The following DCLK2 variants were observed in gnomAD, a reference collection of about 807,000 sequenced individuals.
DCLK2 encodes doublecortin like kinase 2.
DCLK2 carries 31 observed loss-of-function variants against 78.4 expected under a neutral mutation model. The ratio of observed to expected loss-of-function variants is 0.40; its 90% confidence interval spans 0.30 to 0.53. The LOEUF (loss-of-function observed/expected upper bound fraction) is 0.53. DCLK2 is among the 20% of genes least tolerant of loss of function. The pLI is 0.61. For missense variants in DCLK2, 872 were observed against 973.7 expected (o/e 0.90, Z 1.39); for synonymous variants, 407 against 374.9 (o/e 1.09, Z -0.99).
chr4:150,094,129 G>A (rs1730298463), intron 1 of DCLK2, among the ~76,000 whole-genome samples: 1 of 152,206 alleles, frequency 6.6e-6, no homozygotes, highest in Non-Finnish European at 1.5e-5. Context: ...AAAGTTTCAT[G>A]ACATTAGTCT....
At chr4:150,254,794 C>T (rs1026298430) in intron 15 of DCLK2, among the ~76,000 whole-genome samples, 1 of 152,150 alleles carries the variant, frequency 6.6e-6, no homozygotes, top group African/African-American at 2.4e-5. Context: ...CATCCTCCTG[C>T]CTCAGCCTCC....
At chr4:150,098,647 C>T (rs1309795063) in intron 1 of DCLK2, among the ~76,000 whole-genome samples, 6 of 144,482 alleles carry the variant, frequency 4.2e-5, no homozygotes, top group African/African-American at 1.0e-4. Context: ...TTTTAACATA[C>T]GTTGGCAAGA....
chr4:150,149,586 G>A (rs889388197), intron 2 of DCLK2, among the ~76,000 whole-genome samples: 8 of 152,196 alleles, frequency 5.3e-5, no homozygotes, highest in African/African-American at 1.9e-4. Context: ...ATGAAGGGAG[G>A]TATTTTGGTT....
chr4:150,207,714 C>T (rs1739944272), intron 5 of DCLK2, among the ~76,000 whole-genome samples: 1 of 152,070 alleles, frequency 6.6e-6, no homozygotes, highest in Non-Finnish European at 1.5e-5. Context: ...GGTTCTTTAA[C>T]CTTAAACTGA....
intron 2 of DCLK2, among the ~76,000 whole-genome samples, chr4:150,122,609 G>T (rs113951073): frequency 6.6e-6 from 1 of 151,982 alleles, no homozygotes. Flanking sequence ...GTCAGTGGGT[G>T]GGGGGCTAGG....
chr4:150,099,324 G>T (rs956787574), intron 1 of DCLK2, among the ~76,000 whole-genome samples: 1 of 152,222 alleles, frequency 6.6e-6, no homozygotes, highest in Non-Finnish European at 1.5e-5. Flanking sequence ...CTCCCAAAGG[G>T]CTGGGATTAC....
intron 5 of DCLK2, among the ~76,000 whole-genome samples, chr4:150,209,981 A>G (rs1283594241): frequency 1.3e-5 from 2 of 152,334 alleles, no homozygotes; most frequent in East Asian, 1.9e-4. Context: ...AGGCTGAAGC[A>G]GGAGAATCCC....
chr4:150,158,998 A>G (rs768563995), intron 2 of DCLK2, among the ~76,000 whole-genome samples: 1 of 152,206 alleles, frequency 6.6e-6, no homozygotes, highest in Non-Finnish European at 1.5e-5. Flanking sequence ...TATGTTGAGA[A>G]GAAGAAATAG....
At chr4:150,100,991 C>T (rs2150152037) in intron 1 of DCLK2, among the ~76,000 whole-genome samples, 1 of 152,248 alleles carries the variant, frequency 6.6e-6, no homozygotes, top group East Asian at 1.9e-4. Flanking sequence ...GTGGCTCATG[C>T]CTTATAATCC....
intron 2 of DCLK2, among the ~76,000 whole-genome samples, chr4:150,185,692 C>T (rs539424128): frequency 1.1e-4 from 15 of 142,392 alleles, no homozygotes; most frequent in Admixed American, 5.8e-4. Context: ...CCAGCCTGGG[C>T]GACAGAGTGA....
At chr4:150,086,771 G>T (rs1729680649) in intron 1 of DCLK2, among the ~76,000 whole-genome samples, 1 of 152,116 alleles carries the variant, frequency 6.6e-6, no homozygotes, top group Non-Finnish European at 1.5e-5. Context: ...CTCCCAAAGT[G>T]CTGGGATTAC....
chr4:150,255,101 TCTTA>T (rs1744464679), intron 15 of DCLK2, among the ~76,000 whole-genome samples: 1 of 152,236 alleles, frequency 6.6e-6, no homozygotes, highest in African/African-American at 2.4e-5. Context: ...TGTTGTTGAT[TCTTA>T]TTTTCTCCAG....
rs530454165 is a variant in DCLK2 at position 150,122,091 on chromosome 4, C to G, written c.756+19279C>G. ...TAGGATTTGGGGAATGGTAAATGAG[C>G]ATTGGCTTCTTTTACTCTATTTGAT... is the stretch of plus-strand genomic sequence containing the variant. On this transcript the variant is annotated intron_variant, in intron 2 of 15. Transcript: ENST00000296550. Among the ~76,000 whole-genome samples the G allele has an allele frequency of 1.8e-3, 277 of 152,220 alleles. 3 individuals are homozygous for G. Among genetic ancestry groups the G allele is most frequent in the African/African-American group, 6.3e-3 (261 of 41,524 alleles).
intron 2 of DCLK2, among the ~76,000 whole-genome samples, chr4:150,118,129 A>G (rs1318240103): frequency 6.6e-6 from 1 of 152,086 alleles, no homozygotes; most frequent in Admixed American, 6.5e-5. Context: ...GTAAGCCCCT[A>G]TGATCAGGCT....
At chr4:150,239,637 T>C in intron 10 of DCLK2, 105 bp from the exon 11 acceptor site, 2 of 1,396,372 alleles carry the variant, frequency 1.4e-6, no homozygotes, top group Non-Finnish European at 2.0e-6. Flanking sequence ...TTCATTCGAG[T>C]TTAATAGTAA....
Position 150,116,534 on chromosome 4 carries a change from G to A in DCLK2, c.756+13722G>A, listed in dbSNP as rs575343563. Among the ~76,000 whole-genome samples, 20 of 152,298 alleles carry A rather than the reference G, an allele frequency of 1.3e-4. No homozygotes were observed. In the East Asian group the frequency reaches 3.7e-3, roughly 28 times the overall value. On this transcript the variant is annotated intron_variant, in intron 2 of 15. Transcript: ENST00000296550. ...CACTAGGAATGCTGCTGCTCCTCTA[G>A]GTCTAGCTACCCAGTGGGTACTCCA...
intron 2 of DCLK2, among the ~76,000 whole-genome samples, chr4:150,128,435 T>G (rs367731887): frequency 1.3e-5 from 2 of 152,106 alleles, no homozygotes; most frequent in East Asian, 3.9e-4. Flanking sequence ...TACAATGCAT[T>G]TCCAAGAGAT....
In DCLK2 at chr4:150,142,302, A is replaced by C. The variant is rs182939460; in HGVS notation, c.756+39490A>C. Among the ~76,000 whole-genome samples, 3 of 152,302 alleles carry C rather than the reference A, an allele frequency of 2.0e-5. No homozygotes were observed. In the East Asian group the frequency reaches 5.8e-4, roughly 29 times the overall value. ...TGTCTTAGGTAGTGTCATCTGAATT[A>C]CTGAACAGGGATAATGATTGGGTAA... On this transcript the variant is annotated intron_variant, in intron 2 of 15. Coordinates refer to ENST00000296550, the MANE Select transcript of DCLK2 (RefSeq NM_001040260.4).
Position 150,078,755 on chromosome 4 carries a change from G to T in DCLK2, c.-273G>T. The T allele has an allele frequency of 3.2e-6, 1 of 312,672 alleles. No individual in the cohort carries two copies. Among genetic ancestry groups the T allele is most frequent in the Non-Finnish European group, 5.8e-6 (1 of 172,546 alleles). The allele number at this position is 312,672 out of a possible 1,614,324, so 19.4% of individuals were successfully genotyped here. ...TGGCCGGGTGGAGGAGGCGCTTGCG[G>T]GGGCGTGGGGCTCCCCGGCAGGCGG... On this transcript the variant is annotated 5_prime_UTR_variant, in exon 1 of 16. Transcript: ENST00000296550.
Sources: gnomAD v4.1 joint callset for allele counts (sites outside exome capture counted in the v4.1 genomes callset) on GRCh38, gnomAD v4.1.1 for gene constraint, MANE v1.5 for transcripts, NCBI Gene and HGNC (gene_info 2026-07-23, HGNC 2026-07-21) for gene names.